The following KHDRBS2 variants were observed in gnomAD, a reference collection of about 807,000 sequenced individuals.
KHDRBS2 encodes KH domain-containing, RNA-binding, signal transduction-associated protein 2.
KHDRBS2 carries 26 observed loss-of-function variants against 44.3 expected under a neutral mutation model. The ratio of observed to expected loss-of-function variants is 0.59; its 90% CI spans 0.43 to 0.81. The LOEUF (loss-of-function observed/expected upper bound fraction) is 0.81, where lower values mean the gene tolerates loss of function less well. KHDRBS2 is among the 40% of genes least tolerant of loss of function. The pLI, the probability that KHDRBS2 is intolerant of heterozygous loss-of-function variation, is 0.00. For synonymous variants in KHDRBS2, 194 were observed against 151.1 expected, an observed-to-expected ratio of 1.28 and a Z score of -2.08; for missense variants, 476 against 433.1, an observed-to-expected ratio of 1.10 and a Z score of -0.88.
the KHDRBS2 span, among the ~76,000 whole-genome samples, chr6:61,584,860 C>G: frequency 2.6e-5 from 4 of 151,320 alleles, no homozygotes; most frequent in South Asian, 2.1e-4. Context: ...TGAAAACAAA[C>G]AAAAAAATTT....
intron 1 of KHDRBS2, among the ~76,000 whole-genome samples, chr6:62,197,318 G>A (rs1825908241): frequency 6.6e-6 from 1 of 151,988 alleles, no homozygotes; most frequent in African/African-American, 2.4e-5. Context: ...TTTGAACACA[G>A]ATCAAACAAT....
chr6:61,821,585 A>G (rs1789918893), intron 6 of KHDRBS2, among the ~76,000 whole-genome samples: 1 of 151,994 alleles, frequency 6.6e-6, no homozygotes, highest in Admixed American at 6.6e-5. Flanking sequence ...TCTGTTGGCA[A>G]GCAGACTCTT....
chr6:62,143,681 G>T (rs1260876254), intron 2 of KHDRBS2, among the ~76,000 whole-genome samples: 2 of 108,046 alleles, frequency 1.9e-5, no homozygotes, highest in East Asian at 5.0e-4. Flanking sequence ...TCCTGGCTAA[G>T]TCTCAGATTA....
At chr6:61,891,234 C>T (rs754339824) in intron 6 of KHDRBS2, among the ~76,000 whole-genome samples, 1 of 152,102 alleles carries the variant, frequency 6.6e-6, no homozygotes, top group Non-Finnish European at 1.5e-5. Flanking sequence ...CAAAATAAAT[C>T]ATTTTCATAG....
At chr6:61,994,160 T>A (rs962475435) in intron 3 of KHDRBS2, among the ~76,000 whole-genome samples, 6 of 152,144 alleles carry the variant, frequency 3.9e-5, no homozygotes, top group Non-Finnish European at 8.8e-5. Context: ...ACAATTTTCC[T>A]AATCTCAATG....
chr6:61,961,370 G>T (rs1012985794), intron 4 of KHDRBS2, among the ~76,000 whole-genome samples: 2 of 150,864 alleles, frequency 1.3e-5, no homozygotes, highest in Non-Finnish European at 2.9e-5. Flanking sequence ...GAGTGTGAAA[G>T]AAGGAAAGAA....
intron 3 of KHDRBS2, among the ~76,000 whole-genome samples, chr6:61,982,400 G>A (rs1461694776): frequency 6.6e-6 from 1 of 152,012 alleles, no homozygotes; most frequent in Non-Finnish European, 1.5e-5. Flanking sequence ...GGCCGGGCGC[G>A]GTGGCTCACG....
intron 4 of KHDRBS2, among the ~76,000 whole-genome samples, chr6:61,925,135 AAG>A (rs1808721493): frequency 6.6e-6 from 1 of 152,152 alleles, no homozygotes; most frequent in Non-Finnish European, 1.5e-5. Context: ...AGCTTGCTAG[AAG>A]AGTGATCACT....
At chr6:61,832,986 G>T (rs1175590315) in intron 6 of KHDRBS2, among the ~76,000 whole-genome samples, 1 of 151,968 alleles carries the variant, frequency 6.6e-6, no homozygotes, top group African/African-American at 2.4e-5. Context: ...AACCTTAATA[G>T]AATACAAATA....
At chr6:61,584,698 G>A in the KHDRBS2 span, among the ~76,000 whole-genome samples, 1 of 151,858 alleles carries the variant, frequency 6.6e-6, no homozygotes, top group Non-Finnish European at 1.5e-5. Context: ...AGCAATGTGA[G>A]TGCATACTTC....
intron 2 of KHDRBS2, among the ~76,000 whole-genome samples, chr6:62,110,904 AG>A (rs1300015606): frequency 6.6e-6 from 1 of 152,132 alleles, no homozygotes; most frequent in Non-Finnish European, 1.5e-5. Context: ...ATTAAAAAAA[AG>A]TAAAGTGGTA....
intron 2 of KHDRBS2, among the ~76,000 whole-genome samples, chr6:62,067,648 C>T (rs185796291): frequency 6.6e-6 from 1 of 151,478 alleles, no homozygotes; most frequent in Non-Finnish European, 1.5e-5. Flanking sequence ...CGTATGTTCA[C>T]AGGGTTATAC....
At chr6:61,981,873 A>C (rs1386115746) in intron 3 of KHDRBS2, among the ~76,000 whole-genome samples, 1 of 152,204 alleles carries the variant, frequency 6.6e-6, no homozygotes, top group Non-Finnish European at 1.5e-5. Flanking sequence ...TTATTGTTTC[A>C]GAAATTTTAT....
At chr6:61,627,873 A>G in the KHDRBS2 span, among the ~76,000 whole-genome samples, 1 of 152,220 alleles carries the variant, frequency 6.6e-6, no homozygotes, top group South Asian at 2.1e-4. Context: ...GAATTTTCAA[A>G]CCTGAGGGGT....
chr6:62,276,773 T>C (rs1282192233), intron 1 of KHDRBS2, among the ~76,000 whole-genome samples: 1 of 152,224 alleles, frequency 6.6e-6, no homozygotes, highest in Non-Finnish European at 1.5e-5. Context: ...CTAGATAAAA[T>C]GTGCATACTA....
intron 6 of KHDRBS2, among the ~76,000 whole-genome samples, chr6:61,885,003 G>A (rs1041957642): frequency 1.3e-5 from 2 of 152,074 alleles, no homozygotes; most frequent in East Asian, 1.9e-4. Context: ...TGGCAGGAAA[G>A]TGAATATTTA....
chr6:61,940,278 C>A (rs1020948640), intron 4 of KHDRBS2, among the ~76,000 whole-genome samples: 1 of 151,550 alleles, frequency 6.6e-6, no homozygotes, highest in African/African-American at 2.4e-5. Flanking sequence ...ACATTAAAAA[C>A]CTATATGGAA....
At chr6:61,773,792 C>T (rs1449294248) in intron 6 of KHDRBS2, among the ~76,000 whole-genome samples, 1 of 150,978 alleles carries the variant, frequency 6.6e-6, no homozygotes, top group Non-Finnish European at 1.5e-5. Context: ...ATGTTTAAGT[C>T]TTTAAACCAT....
the KHDRBS2 span, among the ~76,000 whole-genome samples, chr6:61,597,773 T>TATACAC: frequency 1.7e-3 from 71 of 42,310 alleles, 8 homozygotes; most frequent in East Asian, 3.1e-3. Flanking sequence ...TATATATATA[T>TATACAC]ACACCAAGAT....
Sources: gnomAD v4.1 joint callset for allele counts (sites outside exome capture counted in the v4.1 genomes callset) on GRCh38, gnomAD v4.1.1 for gene constraint, MANE v1.5 for transcripts, NCBI Gene and HGNC (gene_info 2026-07-23, HGNC 2026-07-21) for gene names.